The following ATRNL1 variants were observed in gnomAD, a reference collection of about 807,000 sequenced individuals.
The protein encoded by ATRNL1 is attractin like 1, also known as attractin-like protein 1.
Under a neutral mutation model 182.7 loss-of-function variants are expected in ATRNL1, and 95 were observed. The ratio of observed to expected loss-of-function variants is 0.52; its 90% CI spans 0.44 to 0.62. The LOEUF (loss-of-function observed/expected upper bound fraction) is 0.62. Among genes scored for constraint, ATRNL1 ranks in the 20% least tolerant of loss-of-function variants. ATRNL1 has a pLI of 0.00. For missense variants in ATRNL1, 1,471 were observed against 1,679.5 expected (o/e 0.88, Z 2.17); for synonymous variants, 576 against 568.3 (o/e 1.01, Z -0.19).
At position 115,530,935 on chromosome 10, in the gene ATRNL1, A is replaced by G. The variant is rs1466452006; in HGVS notation, c.3716+11611A>G. The stretch of plus-strand genomic sequence containing the variant: ...AGAATGATGATTTCCAATTTCATCC[A>G]TGTCCCTACAAAGGGCATGAACTCA... On this transcript the variant is annotated intron_variant, in intron 25 of 28. Transcript: ENST00000355044. Among the ~76,000 whole-genome samples, 3 of 151,978 alleles carry G rather than the reference A, an allele frequency of 2.0e-5. No homozygotes were observed. In the East Asian group the frequency reaches 5.8e-4, roughly 29 times the overall value.
intron 28 of ATRNL1, among the ~76,000 whole-genome samples, chr10:115,927,034 C>G (rs1953257587): frequency 6.6e-6 from 1 of 152,026 alleles, no homozygotes; most frequent in Non-Finnish European, 1.5e-5. Flanking sequence ...ACTGGCACAC[C>G]AAATCCAGCA....
At position 115,300,036 on chromosome 10, in the gene ATRNL1, A is replaced by C; in HGVS notation, c.2418A>C (p.Lys806Asn). 1 of 1,606,814 alleles carries C rather than the reference A, an allele frequency of 6.2e-7. No individual in the cohort carries two copies. The highest frequency in any genetic ancestry group is 1.3e-5 in the African/African-American group (1 of 74,908). The change falls in exon 16 of 29, where the codon AAA (lysine) becomes AAC (asparagine). Residue 806 changes from lysine to asparagine, a missense_variant and splice_region_variant. Lys to Asn is a moderately conservative substitution (Grantham distance 94). This residue lies in a region of ATRNL1 where 1,031 missense variants were observed against 1,156.0 expected (regional missense o/e 0.89). Coordinates refer to ENST00000355044, the MANE Select transcript of ATRNL1 (RefSeq NM_207303.4). ...LDEIQKYTQQ[K>N]VSPWVGLRKI... ...GCCCCTTTTCCTGTTGTTTACAGAAAGTATCACCTTGGGTAGGCTTGCGCA... is the reference window on the plus strand; with the variant it reads ...GCCCCTTTTCCTGTTGTTTACAGAACGTATCACCTTGGGTAGGCTTGCGCA...
chr10:115,105,860 G>A (rs544808319), intron 1 of ATRNL1, among the ~76,000 whole-genome samples: 1 of 152,358 alleles, frequency 6.6e-6, no homozygotes, highest in East Asian at 1.9e-4. Context: ...GTTTGCTGCA[G>A]GGGTGGGACT....
rs2134280112 is a variant in ATRNL1 at position 115,394,643 on chromosome 10, T to C, written c.3176-16T>C. ...TGATGTAGAATATTCAATATCATTT[T>C]GGTTTTGACTTACAGCTTGTACATG... On this transcript the variant is annotated splice_polypyrimidine_tract_variant and intron_variant, in intron 19 of 28. Transcript: ENST00000355044. The C allele has an allele frequency of 1.3e-6, 2 of 1,573,542 alleles. No homozygotes were observed. The highest frequency in any genetic ancestry group is 1.7e-6 in the Non-Finnish European group (2 of 1,143,844).
At chr10:115,431,986 A>G (rs1201607287) in intron 21 of ATRNL1, among the ~76,000 whole-genome samples, 3 of 152,130 alleles carry the variant, frequency 2.0e-5, no homozygotes, top group Admixed American at 1.3e-4. Flanking sequence ...TTTTATAAAA[A>G]CTAGCATAAT....
intron 20 of ATRNL1, among the ~76,000 whole-genome samples, chr10:115,413,734 T>C (rs895534866): frequency 6.6e-6 from 1 of 152,114 alleles, no homozygotes; most frequent in South Asian, 2.1e-4. Context: ...GCTCATCTTA[T>C]TCCTCTTCTG....
intron 22 of ATRNL1, among the ~76,000 whole-genome samples, chr10:115,465,793 TATGC>T (rs2134548932): frequency 1.3e-5 from 2 of 151,684 alleles, no homozygotes; most frequent in South Asian, 4.1e-4. Context: ...ACTCTAAAAA[TATGC>T]ATGACAATCA....
intron 28 of ATRNL1, among the ~76,000 whole-genome samples, chr10:115,928,769 T>C (rs1237184686): frequency 6.6e-6 from 1 of 152,002 alleles, no homozygotes; most frequent in African/African-American, 2.4e-5. Context: ...AGTATACATA[T>C]GATAAAATAT....
At chr10:115,160,304 A>G in intron 6 of ATRNL1, 90 bp downstream of exon 6, 3 of 1,293,354 alleles carry the variant, frequency 2.3e-6, no homozygotes, top group Non-Finnish European at 3.2e-6. Context: ...CGAGAGTAAA[A>G]GTGGTTATTT....
intron 27 of ATRNL1, among the ~76,000 whole-genome samples, chr10:115,790,947 A>G (rs1456929413): frequency 1.3e-5 from 2 of 152,222 alleles, no homozygotes; most frequent in Non-Finnish European, 2.9e-5. Flanking sequence ...TGCAGTTCCT[A>G]TATGATTTAT....
intron 19 of ATRNL1, among the ~76,000 whole-genome samples, chr10:115,389,975 A>G (rs781934851): frequency 5.6e-4 from 85 of 152,108 alleles, no homozygotes; most frequent in East Asian, 7.7e-4. Flanking sequence ...TCATATACCT[A>G]TTGGCCATTT....
chr10:115,493,604 G>A (rs984981565), intron 24 of ATRNL1, among the ~76,000 whole-genome samples: 1 of 152,134 alleles, frequency 6.6e-6, no homozygotes, highest in East Asian at 1.9e-4. Context: ...ATGGTAGAAC[G>A]ATTTATATTC....
chr10:115,903,841 C>G (rs1181526450), intron 28 of ATRNL1, among the ~76,000 whole-genome samples: 1 of 152,042 alleles, frequency 6.6e-6, no homozygotes, highest in Non-Finnish European at 1.5e-5. Flanking sequence ...GCAAGGAGAT[C>G]CCATAAGCAT....
chr10:115,581,591 G>A (rs1223437276), intron 26 of ATRNL1, among the ~76,000 whole-genome samples: 1 of 152,040 alleles, frequency 6.6e-6, no homozygotes, highest in Non-Finnish European at 1.5e-5. Flanking sequence ...ATATATATGT[G>A]CATATGTATA....
chr10:115,296,082 G>C (rs1479832227), intron 15 of ATRNL1, among the ~76,000 whole-genome samples: 2 of 152,144 alleles, frequency 1.3e-5, no homozygotes, highest in East Asian at 3.9e-4. Flanking sequence ...CTCAGAGCTT[G>C]TAAGGACTGT....
intron 26 of ATRNL1, among the ~76,000 whole-genome samples, chr10:115,687,421 C>T (rs1199139286): frequency 2.0e-5 from 3 of 152,010 alleles, no homozygotes; most frequent in African/African-American, 7.2e-5. Flanking sequence ...CTGGGTACAC[C>T]TGTGTTGTTG....
intron 19 of ATRNL1, among the ~76,000 whole-genome samples, chr10:115,379,840 CT>C (rs782544654): frequency 1.3e-5 from 2 of 151,248 alleles, no homozygotes; most frequent in Non-Finnish European, 3.0e-5. Flanking sequence ...ACCTTTTTTT[CT>C]TTTGAGACGG....
At chr10:115,493,457 A>G (rs1849405635) in intron 24 of ATRNL1, among the ~76,000 whole-genome samples, 1 of 152,100 alleles carries the variant, frequency 6.6e-6, no homozygotes, top group Non-Finnish European at 1.5e-5. Context: ...TGTTCTTTTT[A>G]TGGCTGTATA....
At chr10:115,481,231 T>C (rs1554974138) in intron 24 of ATRNL1, among the ~76,000 whole-genome samples, 2 of 150,452 alleles carry the variant, frequency 1.3e-5, no homozygotes, top group Non-Finnish European at 3.0e-5. Flanking sequence ...TTTTTAATAC[T>C]ATAAGAATTT....
Sources: allele counts gnomAD v4.1 joint callset (sites outside exome capture counted in the v4.1 genomes callset), GRCh38; gene constraint gnomAD v4.1.1; regional missense constraint gnomAD v4.1.1; transcripts MANE v1.5; gene names NCBI Gene and HGNC (gene_info 2026-07-23, HGNC 2026-07-21).